The following COP1 variants were observed in gnomAD, a reference collection of about 807,000 sequenced individuals.
COP1 encodes COP1 E3 ubiquitin ligase, also known as E3 ubiquitin-protein ligase COP1.
COP1 carries 24 observed loss-of-function variants against 101.3 expected under a neutral mutation model. That is an observed-to-expected ratio of 0.24 (90% CI 0.17 to 0.33). The LOEUF is 0.33. Ranked by LOEUF, COP1 falls within the 10% of genes least tolerant of loss-of-function variation. The pLI is 1.00. For synonymous variants in COP1, 347 were observed against 341.9 expected (o/e 1.01, Z -0.17); for missense variants, 663 against 906.2 (o/e 0.73, Z 3.45).
chr1:176,005,947 G>C (rs1318466901), intron 15 of COP1, among the ~76,000 whole-genome samples: 15 of 152,112 alleles, frequency 9.9e-5, no homozygotes, highest in Non-Finnish European at 1.8e-4. Context: ...TTGACAGTGG[G>C]GTGTTAAATC....
At chr1:176,064,182 C>A (rs1312228574) in intron 11 of COP1, among the ~76,000 whole-genome samples, 1 of 152,084 alleles carries the variant, frequency 6.6e-6, no homozygotes, top group Admixed American at 6.6e-5. Context: ...TTTTCTCAAT[C>A]AAAATGACCT....
intron 5 of COP1, among the ~76,000 whole-genome samples, chr1:176,155,044 T>C (rs1258611343): frequency 2.0e-5 from 3 of 152,110 alleles, no homozygotes; most frequent in African/African-American, 7.2e-5. Context: ...CAACAGTTCA[T>C]AAAATGAGTG....
intron 18 of COP1, chr1:175,968,468 T>G (rs1441961619): frequency 1.9e-6 from 1 of 519,210 alleles, no homozygotes; most frequent in East Asian, 5.4e-5. Flanking sequence ...TATATTTATG[T>G]AGGATCGCTG....
intron 13 of COP1, 44 bp from the exon 14 acceptor site, chr1:176,043,311 C>A (rs186440218): frequency 1.7e-6 from 2 of 1,167,842 alleles, no homozygotes; most frequent in South Asian, 1.3e-5. Flanking sequence ...GAATACAGAT[C>A]TCAAAATGAA....
chr1:175,963,979 A>G (rs1651698935), intron 18 of COP1, among the ~76,000 whole-genome samples: 1 of 152,238 alleles, frequency 6.6e-6, no homozygotes, highest in Non-Finnish European at 1.5e-5. Context: ...ATTCGTATAT[A>G]AAATGTTAAA....
At chr1:175,959,322 T>C (rs1257523357) in intron 18 of COP1, among the ~76,000 whole-genome samples, 1 of 152,060 alleles carries the variant, frequency 6.6e-6, no homozygotes, top group Non-Finnish European at 1.5e-5. Flanking sequence ...AGGGTATGTA[T>C]CTACAAAACT....
rs149156420 is a variant in COP1 at position 176,191,633 on chromosome 1, C to T, written c.408-6941G>A. On this transcript the variant is annotated intron_variant, in intron 1 of 19. Transcript: ENST00000367669. ...CTCAAACTCTTCTTTACACCTATAC[C>T]GATAACACTAGATCCTCTGAACCAA... Among the ~76,000 whole-genome samples, 167 of 152,086 alleles carry T rather than the reference C, an allele frequency of 1.1e-3. 1 individual carries two copies. The highest frequency in any genetic ancestry group is 3.8e-3 in the African/African-American group (159 of 41,528).
At chr1:176,117,946 T>C (rs1351760375) in intron 8 of COP1, among the ~76,000 whole-genome samples, 1 of 152,212 alleles carries the variant, frequency 6.6e-6, no homozygotes, top group South Asian at 2.1e-4. Flanking sequence ...TTTATATTCT[T>C]TCTACCCTAT....
intron 3 of COP1, among the ~76,000 whole-genome samples, chr1:176,164,355 T>C (rs1330363289): frequency 1.3e-5 from 2 of 152,226 alleles, no homozygotes; most frequent in Non-Finnish European, 2.9e-5. Flanking sequence ...CCTACTCTTT[T>C]TCTTGATAAT....
chr1:176,104,830 T>C (rs995877086), intron 9 of COP1, among the ~76,000 whole-genome samples: 1 of 152,158 alleles, frequency 6.6e-6, no homozygotes, highest in Admixed American at 6.5e-5. Context: ...TGAAAATACA[T>C]AGGCACAAAT....
At chr1:176,002,598 T>C (rs1390749897) in intron 15 of COP1, among the ~76,000 whole-genome samples, 1 of 142,918 alleles carries the variant, frequency 7.0e-6, no homozygotes, top group African/African-American at 2.6e-5. Context: ...TGAGTGAGAA[T>C]ATGCAGTGTT....
chr1:176,043,304 T>C (rs1023357452), intron 13 of COP1, 37 bp from the exon 14 acceptor site: 7 of 1,241,344 alleles, frequency 5.6e-6, no homozygotes, highest in Non-Finnish European at 8.1e-6. Flanking sequence ...TCAGATAGAA[T>C]ACAGATCTCA....
chr1:175,985,500 C>T (rs1656887357), intron 18 of COP1, among the ~76,000 whole-genome samples: 2 of 152,090 alleles, frequency 1.3e-5, no homozygotes, highest in African/African-American at 4.8e-5. Flanking sequence ...TTCTGGTTTC[C>T]CCTATAATAT....
intron 6 of COP1, among the ~76,000 whole-genome samples, chr1:176,141,911 G>A (rs12033997): frequency 6.6e-6 from 1 of 151,372 alleles, no homozygotes; most frequent in Non-Finnish European, 1.5e-5. Context: ...TTTTTTAATT[G>A]TTTGTAGAGA....
At chr1:176,112,628 T>C (rs1446830427) in intron 9 of COP1, among the ~76,000 whole-genome samples, 1 of 152,222 alleles carries the variant, frequency 6.6e-6, no homozygotes, top group Non-Finnish European at 1.5e-5. Context: ...ATAATTTCCC[T>C]ACTGTATTAT....
chr1:176,185,477 C>T (rs765873739), intron 1 of COP1, among the ~76,000 whole-genome samples: 8 of 152,146 alleles, frequency 5.3e-5, no homozygotes, highest in Non-Finnish European at 1.0e-4. Context: ...ACTCAAAATC[C>T]CAGCCTTTTT....
intron 18 of COP1, among the ~76,000 whole-genome samples, chr1:175,951,625 T>C (rs1424793521): frequency 6.6e-6 from 1 of 151,830 alleles, no homozygotes; most frequent in Non-Finnish European, 1.5e-5. Flanking sequence ...AGTCCTATAA[T>C]CACCCTGGTT....
At chr1:176,193,318 G>A (rs1699313230) in intron 1 of COP1, among the ~76,000 whole-genome samples, 1 of 152,156 alleles carries the variant, frequency 6.6e-6, no homozygotes, top group African/African-American at 2.4e-5. Context: ...TACATTGCTA[G>A]TAGGAAAATA....
chr1:176,036,970 A>G (rs1669670229), intron 14 of COP1, among the ~76,000 whole-genome samples: 2 of 152,220 alleles, frequency 1.3e-5, no homozygotes, highest in Non-Finnish European at 2.9e-5. Context: ...TGAACTGTCA[A>G]AAATTACACT....
Sources: gnomAD v4.1 joint callset for allele counts (sites outside exome capture counted in the v4.1 genomes callset) on GRCh38, gnomAD v4.1.1 for gene constraint, MANE v1.5 for transcripts, NCBI Gene and HGNC (gene_info 2026-07-23, HGNC 2026-07-21) for gene names.